Variants in HERC1 observed in about 807,000 individuals in gnomAD.
HERC1 encodes the protein probable E3 ubiquitin-protein ligase HERC1.
A neutral mutation model predicts 554.3 loss-of-function variants in HERC1; 160 were observed. That is an observed-to-expected ratio of 0.29 (90% confidence interval 0.25 to 0.33). The LOEUF (loss-of-function observed/expected upper bound fraction) is 0.33, where lower values mean the gene tolerates loss of function less well. Among genes scored for constraint, HERC1 ranks in the 10% least tolerant of loss-of-function variants. The pLI is 1.00. For synonymous variants in HERC1, 2,175 were observed against 2,131.7 expected (o/e 1.02, Z -0.56); for missense variants, 4,919 against 5,918.5 (o/e 0.83, Z 5.54).
At chr15:63,665,302 G>A (rs1270701019) in intron 42 of HERC1, among the ~76,000 whole-genome samples, 1 of 152,210 alleles carries the variant, frequency 6.6e-6, no homozygotes, top group Non-Finnish European at 1.5e-5. Flanking sequence ...GGAAGACCAA[G>A]GTGGGTGGAT....
chr15:63,726,493 A>G (rs141750184), intron 17 of HERC1, among the ~76,000 whole-genome samples: 103 of 152,352 alleles, frequency 6.8e-4, no homozygotes, highest in African/African-American at 2.3e-3. Flanking sequence ...ACAAATTCAA[A>G]AAATAGGAAT....
At chr15:63,805,049 C>T (rs2077097195) in intron 1 of HERC1, among the ~76,000 whole-genome samples, 1 of 152,112 alleles carries the variant, frequency 6.6e-6, no homozygotes. Flanking sequence ...CTGTACTTAG[C>T]ACATATGCAA....
chr15:63,672,534 T>G lies in HERC1; in HGVS notation c.8007A>C (p.Ala2669=). 3 of 1,606,966 alleles carry G rather than the reference T, an allele frequency of 1.9e-6. No homozygotes were observed. The highest frequency in any genetic ancestry group is 2.5e-6 in the Non-Finnish European group (3 of 1,176,604). Residue 2669 remains alanine (A), a synonymous_variant, in exon 39 of 78, where the codon GCA becomes GCC. Transcript: ENST00000443617. ...TPVTDTETVP[A]SESPGVMPLS... ...GAGGCATCACTCCCGGGGACTCGGA[T>G]GCAGGCACTGTTTCTGTGTCAGTGA...
chr15:63,833,223 T>C (rs1186227821), intron 1 of HERC1, among the ~76,000 whole-genome samples: 1 of 152,188 alleles, frequency 6.6e-6, no homozygotes, highest in Non-Finnish European at 1.5e-5. Context: ...AAAGGCTTTA[T>C]AATTTGTTGT....
Position 63,612,297 on chromosome 15 carries a change from T to A in HERC1, c.14354A>T (p.Asn4785Ile). 6.2e-7 allele frequency: 1 copy of A among 1,613,682 alleles called. No individual in the cohort carries two copies. Among genetic ancestry groups the A allele is most frequent in the East Asian group, 2.2e-5 (1 of 44,866 alleles). Residue 4785 changes from asparagine to isoleucine, a missense_variant, in exon 77 of 78, where the codon AAC (asparagine) becomes ATC (isoleucine). Around this residue, in one of 11 missense-constraint regions of HERC1, gnomAD observed 5 missense variants for 16.1 expected, o/e 0.31. Transcript: ENST00000443617. This position sits in a 1 kb window ranked among gnomAD's most constrained non-coding sequence, Gnocchi z 5.0. ...FVSGRSRLPA[N>I]TADISQRFQI... ...AAATCTCTGAGAAATGTCAGCAGTG[T>A]TGGCTGGTAGTCGAGATCTTCCTGA...
intron 25 of HERC1, among the ~76,000 whole-genome samples, chr15:63,704,771 C>G (rs1430455032): frequency 7.5e-6 from 1 of 133,402 alleles, no homozygotes; most frequent in Non-Finnish European, 1.5e-5. Flanking sequence ...TGGAGTCTCG[C>G]TCTGTCGCCC....
intron 1 of HERC1, among the ~76,000 whole-genome samples, chr15:63,816,933 G>A (rs118053682): frequency 0.03 from 4,629 of 151,948 alleles, 115 homozygotes; most frequent in Middle Eastern, 0.065. Context: ...CATATCTCCC[G>A]ATGGAAACAA....
At chr15:63,795,522 C>T (rs1490490332) in intron 1 of HERC1, among the ~76,000 whole-genome samples, 2 of 151,956 alleles carry the variant, frequency 1.3e-5, no homozygotes, top group Non-Finnish European at 2.9e-5. Flanking sequence ...AATAGAAAAG[C>T]TCTGATACAA....
At chr15:63,805,954 A>T (rs1482551353) in intron 1 of HERC1, among the ~76,000 whole-genome samples, 2 of 151,908 alleles carry the variant, frequency 1.3e-5, no homozygotes, top group African/African-American at 4.8e-5. Flanking sequence ...AAACAAAAAA[A>T]AAAAAACAAA....
rs1242721047 is a variant in HERC1 at position 63,656,491 on chromosome 15, T to C, written c.9600-133A>G. The C allele has an allele frequency of 5.0e-6, 4 of 801,816 alleles. No individual in the cohort carries two copies. The African/African-American group carries it at 6.9e-5, about 14-fold the overall frequency. The allele number at this position is 801,816 out of a possible 1,614,324, so 49.7% of individuals were successfully genotyped here. ...AAGCTGCACTATCATTAGCCATACA[T>C]GTCCTAAGAGTTGCCAAAGGTATCA... On this transcript the variant is annotated intron_variant, in intron 48 of 77. Transcript: ENST00000443617.
Position 63,677,734 on chromosome 15 carries a change from A to C in HERC1, c.7070+111T>G, listed in dbSNP as rs1020944753. 3.4e-6 allele frequency: 5 copies of C among 1,488,186 alleles called. No individual in the cohort carries two copies. In the South Asian group the frequency reaches 7.0e-5, roughly 21 times the overall value. The allele number at this position is 1,488,186 out of a possible 1,614,324, so 92.2% of individuals were successfully genotyped here. A position where few individuals can be genotyped will look rare whatever the true frequency, so the allele number is the denominator to read the frequency against. The stretch of plus-strand genomic sequence containing the variant: ...TCTAGCTGCATGAGAAATATTTTTA[A>C]AAGTTAACTGGCAGCTCACCTAAAA... On this transcript the variant is annotated intron_variant, in intron 37 of 77. Coordinates refer to ENST00000443617, the MANE Select transcript of HERC1 (RefSeq NM_003922.4). This position sits in a 1 kb window ranked among gnomAD's most constrained non-coding sequence, Gnocchi z 4.4.
intron 14 of HERC1, among the ~76,000 whole-genome samples, chr15:63,731,030 G>A (rs1289592532): frequency 1.3e-5 from 2 of 151,930 alleles, no homozygotes; most frequent in Non-Finnish European, 2.9e-5. Flanking sequence ...ATATTGTACT[G>A]CATATTCTAT....
rs187197335 is a variant in HERC1, at chr15:63,795,236, C to T, written c.-26-19587G>A. On this transcript the variant is annotated intron_variant, in intron 1 of 77. Transcript: ENST00000443617. Reference sequence around the variant, plus strand: ...AGGAAGGAAAAACTGGGTCAATTGTCTTAGTTACTAAAGCTTGCCTTTTTC... The same window carrying T: ...AGGAAGGAAAAACTGGGTCAATTGTTTTAGTTACTAAAGCTTGCCTTTTTC... Among the ~76,000 whole-genome samples, 60 of 152,060 alleles carry T rather than the reference C, an allele frequency of 3.9e-4. No homozygotes were observed. The East Asian group carries it at 4.4e-3, about 11-fold the overall frequency.
chr15:63,831,894 T>A (rs551465246), intron 1 of HERC1, among the ~76,000 whole-genome samples: 1 of 152,190 alleles, frequency 6.6e-6, no homozygotes, highest in African/African-American at 2.4e-5. Context: ...GGTGCCTGCA[T>A]TGGAAATGGA....
chr15:63,803,468 C>A (rs1429104449), intron 1 of HERC1, among the ~76,000 whole-genome samples: 1 of 151,970 alleles, frequency 6.6e-6, no homozygotes, highest in Non-Finnish European at 1.5e-5. Context: ...GATGCCCAGG[C>A]TGGAGTGGCA....
rs762372617 is a variant in HERC1 at position 63,661,806 on chromosome 15, G to A, written c.9117C>T (p.Cys3039=). The part of the protein sequence containing the change: ...GNPYYLLCGT[C]REKYLAMKTK... ...TCTTCATGGCTAAGTACTTCTCCCTGCAGGTGCCACATAACAGGTAGTACG... is the reference window on the plus strand; with the variant it reads ...TCTTCATGGCTAAGTACTTCTCCCTACAGGTGCCACATAACAGGTAGTACG... Residue 3039 remains cysteine (C), a synonymous_variant, in exon 45 of 78, where the codon TGC becomes TGT. Coordinates refer to ENST00000443617, the MANE Select transcript of HERC1 (RefSeq NM_003922.4). 3 of 1,613,850 alleles carry A rather than the reference G, an allele frequency of 1.9e-6. No homozygotes were observed. The East Asian group carries it at 6.7e-5, about 36-fold the overall frequency.
chr15:63,745,972 GAACA>G (rs1175987136), intron 12 of HERC1, among the ~76,000 whole-genome samples: 1 of 152,110 alleles, frequency 6.6e-6, no homozygotes, highest in African/African-American at 2.4e-5. Flanking sequence ...TCTTTTCAAA[GAACA>G]AACATTTAGT....
At chr15:63,791,065 G>A (rs1357362359) in intron 1 of HERC1, among the ~76,000 whole-genome samples, 1 of 152,134 alleles carries the variant, frequency 6.6e-6, no homozygotes, top group Non-Finnish European at 1.5e-5. Context: ...AGAAAGTTTG[G>A]AAAATAAATA....
chr15:63,831,453 G>GT (rs1405387436), intron 1 of HERC1, among the ~76,000 whole-genome samples: 1 of 152,148 alleles, frequency 6.6e-6, no homozygotes, highest in Non-Finnish European at 1.5e-5. Flanking sequence ...ACAGATTATA[G>GT]TAAGTTTGTT....
Sources: allele counts gnomAD v4.1 joint callset (sites outside exome capture counted in the v4.1 genomes callset), GRCh38; gene constraint gnomAD v4.1.1; regional missense constraint gnomAD v4.1.1; non-coding constraint Gnocchi (gnomAD v3.1); transcripts MANE v1.5; gene names NCBI Gene and HGNC (gene_info 2026-07-23, HGNC 2026-07-21).